Variants in INTS6 observed in about 807,000 individuals in gnomAD.
INTS6 encodes DEAD box protein.
In INTS6, 16 loss-of-function variants were observed where a neutral mutation model predicts 104.9. That is an observed-to-expected ratio of 0.15 (90% confidence interval 0.10 to 0.23). INTS6 has a LOEUF of 0.23. INTS6 is among the 10% of genes least tolerant of loss of function. The pLI is 1.00. For missense variants in INTS6, 584 were observed against 1,062.8 expected, an observed-to-expected ratio of 0.55 and a Z score of 6.26; for synonymous variants, 324 against 358.7, an observed-to-expected ratio of 0.90 and a Z score of 1.09.
chr13:51,387,091 C>A (rs1956153571), intron 7 of INTS6, among the ~76,000 whole-genome samples: 1 of 152,140 alleles, frequency 6.6e-6, no homozygotes. Context: ...AGAGACAAAT[C>A]CTCATTTAGA....
chr13:51,345,995 GGTGGCTTCACCCCTCATAA>G, the INTS6 span, among the ~76,000 whole-genome samples: 3 of 152,158 alleles, frequency 2.0e-5, no homozygotes, highest in African/African-American at 7.2e-5. Flanking sequence ...CTGGGTGGAT[GGTGGCTTCACCCCTCATAA>G]GTATGTGACC....
At chr13:51,398,545 C>A (rs1956380574) in intron 4 of INTS6, among the ~76,000 whole-genome samples, 1 of 151,836 alleles carries the variant, frequency 6.6e-6, no homozygotes, top group African/African-American at 2.4e-5. Flanking sequence ...TTAAATTTGA[C>A]AATACCAAGT....
intron 9 of INTS6, 146 bp downstream of exon 9, chr13:51,383,182 TG>T: frequency 1.7e-6 from 1 of 591,692 alleles, no homozygotes; most frequent in Non-Finnish European, 2.6e-6. Context: ...ACGAACAGAT[TG>T]TTATATTTTC....
At chr13:51,388,364 G>GT (rs1956178769) in intron 6 of INTS6, among the ~76,000 whole-genome samples, 1 of 150,530 alleles carries the variant, frequency 6.6e-6, no homozygotes, top group Admixed American at 6.6e-5. Context: ...TTGTGTGTGT[G>GT]TGTGTTTTGT....
At chr13:51,432,844 G>A (rs1457535182) in intron 3 of INTS6, among the ~76,000 whole-genome samples, 1 of 152,016 alleles carries the variant, frequency 6.6e-6, no homozygotes, top group Non-Finnish European at 1.5e-5. Flanking sequence ...AGATTTGAGT[G>A]GTTACTATTA....
chr13:51,348,671 C>G, the INTS6 span: 1 of 258,830 alleles, frequency 3.9e-6, no homozygotes, highest in East Asian at 7.9e-5. Flanking sequence ...TCTGCCTTCA[C>G]TGGGCTGGAA....
At chr13:51,350,849 C>T (rs1452037040), downstream of INTS6, among the ~76,000 whole-genome samples, 1 of 152,056 alleles carries the variant, frequency 6.6e-6, no homozygotes, top group Non-Finnish European at 1.5e-5. Flanking sequence ...ATAGATTTGC[C>T]TATTCGAGAA....
chr13:51,356,560 C>T (rs2137810446), intron 3 of INTS6, among the ~76,000 whole-genome samples: 1 of 152,196 alleles, frequency 6.6e-6, no homozygotes, highest in East Asian at 1.9e-4. Context: ...TTCCGTGAAT[C>T]ACTAGGGCTT....
intron 4 of INTS6, among the ~76,000 whole-genome samples, chr13:51,410,619 A>G (rs1956666583): frequency 6.6e-6 from 1 of 152,230 alleles, no homozygotes; most frequent in African/African-American, 2.4e-5. Flanking sequence ...GAGAAAATAC[A>G]GGAGAAAATC....
At chr13:51,353,027 T>G (rs531286200), downstream of INTS6, among the ~76,000 whole-genome samples, 30 of 152,196 alleles carry the variant, frequency 2.0e-4, no homozygotes, top group Non-Finnish European at 3.8e-4. Flanking sequence ...TGCATCTATA[T>G]TCATAAGGTA....
At chr13:51,335,166 A>T in the INTS6 span, among the ~76,000 whole-genome samples, 10 of 152,190 alleles carry the variant, frequency 6.6e-5, no homozygotes, top group African/African-American at 2.4e-4. Context: ...ATATAAATAC[A>T]TGAAAATTAA....
rs1334454632 is a variant in INTS6 at position 51,432,385 on chromosome 13, C to A, written c.340-2002G>T. Among the ~76,000 whole-genome samples the A allele has an allele frequency of 1.3e-4, 19 of 151,584 alleles. 1 individual carries two copies. The highest frequency in any genetic ancestry group is 1.2e-3 in the Admixed American group (19 of 15,228). On this transcript the variant is annotated intron_variant, in intron 3 of 17. Coordinates refer to ENST00000311234, the MANE Select transcript of INTS6 (RefSeq NM_012141.3). ...ACCATCTTACACAATGTGAATATATCTAACACTGCAGAAGTATACACTTAA... is the reference window on the plus strand; with the variant it reads ...ACCATCTTACACAATGTGAATATATATAACACTGCAGAAGTATACACTTAA...
the INTS6 span, among the ~76,000 whole-genome samples, chr13:51,334,914 C>T: frequency 2.8e-5 from 4 of 141,588 alleles, no homozygotes; most frequent in African/African-American, 1.1e-4. Flanking sequence ...ACCCAGGAGG[C>T]AGAGGTTGCA....
At chr13:51,413,860 C>T (rs947785855) in intron 4 of INTS6, among the ~76,000 whole-genome samples, 1 of 152,144 alleles carries the variant, frequency 6.6e-6, no homozygotes, top group Non-Finnish European at 1.5e-5. Context: ...CAAGCTGTCA[C>T]ACTAGAAAGC....
chr13:51,386,963 ACTGT>A (rs1956150645), intron 7 of INTS6, among the ~76,000 whole-genome samples: 1 of 152,198 alleles, frequency 6.6e-6, no homozygotes, highest in African/African-American at 2.4e-5. Context: ...AATCTGCAAC[ACTGT>A]ATATAACTAA....
intron 7 of INTS6, 174 bp from the exon 8 acceptor site, chr13:51,383,915 T>C (rs907048686): frequency 3.7e-5 from 16 of 432,106 alleles, no homozygotes; most frequent in Non-Finnish European, 5.6e-5. Flanking sequence ...GCTAAAGTTA[T>C]GTAATATTCA....
chr13:51,377,187 G>A (rs1472100097), intron 12 of INTS6, among the ~76,000 whole-genome samples: 4 of 151,932 alleles, frequency 2.6e-5, no homozygotes, highest in African/African-American at 9.7e-5. Context: ...ATTTTCTTTG[G>A]TGAAATGTCT....
chr13:51,345,592 C>CAAAAAA, the INTS6 span, among the ~76,000 whole-genome samples: 12 of 37,016 alleles, frequency 3.2e-4, no homozygotes, highest in East Asian at 8.4e-4. Context: ...GATTTCATCT[C>CAAAAAA]AAAAAAAAAA....
intron 3 of INTS6, chr13:51,355,101 G>T (rs574559050): frequency 1.3e-6 from 2 of 1,549,240 alleles, no homozygotes; most frequent in Non-Finnish European, 8.7e-7. Context: ...GGGAGTCACC[G>T]ATCTTTTTGA....
Sources: allele counts gnomAD v4.1 joint callset (sites outside exome capture counted in the v4.1 genomes callset), GRCh38; gene constraint gnomAD v4.1.1; transcripts MANE v1.5; gene names NCBI Gene and HGNC (gene_info 2026-07-23, HGNC 2026-07-21).